Variants in TENT4B observed in about 807,000 individuals in gnomAD.
The protein encoded by TENT4B is terminal nucleotidyltransferase 4B, also known as PAP associated domain containing 5.
In TENT4B, 10 loss-of-function variants were observed where a neutral mutation model predicts 75.0. The observed-to-expected ratio is 0.13, with a 90% CI of 0.08 to 0.23. The LOEUF is 0.23. Among genes scored for constraint, TENT4B ranks in the 10% least tolerant of loss-of-function variants. TENT4B has a pLI of 1.00. For missense variants in TENT4B, 579 were observed against 893.8 expected (o/e 0.65, Z 4.49); for synonymous variants, 350 against 357.7 (o/e 0.98, Z 0.24).
intron 1 of TENT4B, among the ~76,000 whole-genome samples, chr16:50,200,788 G>A (rs2030589697): frequency 6.6e-6 from 1 of 150,712 alleles, no homozygotes; most frequent in South Asian, 2.1e-4. Flanking sequence ...CTTTATTTTT[G>A]TGTTTTTTAT....
chr16:50,186,005 TA>T lies in TENT4B; in HGVS notation c.639-25317del, dbSNP rs2038519150. On this transcript the variant is annotated intron_variant, in intron 1 of 11. Transcript: ENST00000561678. ...TTAAGTTCTGCACAAAACATTTTTA[TA>T]GATATCCAGTGTTAGCTTAACGTTT... 3.3e-5 allele frequency among the ~76,000 whole-genome samples: 5 copies of T among 152,238 alleles called. No homozygotes were observed. The South Asian group carries it at 1.0e-3, about 32-fold the overall frequency.
chr16:50,215,979 G>A (rs2031531829), intron 3 of TENT4B, 96 bp from the exon 4 acceptor site: 1 of 1,474,842 alleles, frequency 6.8e-7, no homozygotes, highest in Non-Finnish European at 9.3e-7. Context: ...TGGGAAATAG[G>A]TTTTAATTGT....
chr16:50,202,521 A>G (rs1172787742), intron 1 of TENT4B, among the ~76,000 whole-genome samples: 2 of 152,142 alleles, frequency 1.3e-5, no homozygotes, highest in Non-Finnish European at 2.9e-5. Context: ...TTCTTCACTC[A>G]GATATTTGAG....
intron 1 of TENT4B, among the ~76,000 whole-genome samples, chr16:50,210,671 CAG>C (rs202159630): frequency 0.012 from 1,821 of 152,296 alleles, 20 homozygotes; most frequent in Non-Finnish European, 0.017. Flanking sequence ...TCTGTTGCCA[CAG>C]GGGGAAAGCT....
At position 50,227,912 on chromosome 16, in the gene TENT4B, C is replaced by T. The variant is rs371120727; in HGVS notation, c.1874C>T (p.Ser625Leu). 3.8e-5 allele frequency: 62 copies of T among 1,613,972 alleles called. No individual in the cohort carries two copies. Among genetic ancestry groups the T allele is most frequent in the Middle Eastern group, 3.3e-4 (2 of 6,062 alleles). Reference sequence around the variant, plus strand: ...CCGTCCACTGGGAACCGAGTAGGGTCGCAAGATGTATCCTTGGAGTCCTCT... The same window carrying T: ...CCGTCCACTGGGAACCGAGTAGGGTTGCAAGATGTATCCTTGGAGTCCTCT... ...CRPSTGNRVG[S>L]QDVSLESSQA... Residue 625 changes from serine to leucine, a missense_variant, in exon 11 of 12, where the codon TCG (serine) becomes TTG (leucine). By Grantham distance (145) the Ser-to-Leu change is moderately radical. Transcript: ENST00000561678.
rs1448483651 is a variant in TENT4B, at chr16:50,232,228, CTTTG to C, written c.*2905_*2908del. 8 of 985,176 alleles carry C rather than the reference CTTTG, an allele frequency of 8.1e-6. No homozygotes were observed. The highest frequency in any genetic ancestry group is 5.2e-4 in the Middle Eastern group (1 of 1,934). The allele number at this position is 985,176 out of a possible 1,614,324, so 61.0% of individuals were successfully genotyped here. A position where few individuals can be genotyped will look rare whatever the true frequency, so the allele number is the denominator to read the frequency against. ...TGTGAAGGTGCCTGGTTTTGAATGT[CTTTG>C]TTTGGTTTGGAGATGTCGCACTCAG... On this transcript the variant is annotated 3_prime_UTR_variant, in exon 12 of 12. Coordinates refer to ENST00000561678, the MANE Select transcript of TENT4B (RefSeq NM_001365324.3).
At chr16:50,161,231 C>A (rs1434412080) in intron 1 of TENT4B, among the ~76,000 whole-genome samples, 1 of 152,146 alleles carries the variant, frequency 6.6e-6, no homozygotes, top group East Asian at 1.9e-4. Context: ...TTAGACTTTC[C>A]TTAATTTGGA....
intron 1 of TENT4B, among the ~76,000 whole-genome samples, chr16:50,210,097 T>C (rs1002904755): frequency 6.6e-6 from 1 of 152,148 alleles, no homozygotes; most frequent in Non-Finnish European, 1.5e-5. Flanking sequence ...TTGCACCTGT[T>C]GCTCCGAGCC....
rs34092547 is a variant in TENT4B at position 50,180,708 on chromosome 16, CA to C, written c.638+26466del. Among the ~76,000 whole-genome samples the C allele has an allele frequency of 2.1e-3, 266 of 126,746 alleles. 3 individuals carry two copies. Among genetic ancestry groups the C allele is most frequent in the African/African-American group, 5.7e-3 (176 of 31,080 alleles). 83.2% of individuals were successfully genotyped at this position (126,746 alleles called of 152,430 possible). A position where few individuals can be genotyped will look rare whatever the true frequency, so the allele number is the denominator to read the frequency against. On this transcript the variant is annotated intron_variant, in intron 1 of 11. Transcript: ENST00000561678. ...TGGGTGACAGAGCGAGACTCCATCT[CA>C]AAAAAAAAAAAAAAAATCGTATGCA...
intron 1 of TENT4B, among the ~76,000 whole-genome samples, chr16:50,192,025 T>G (rs1390353536): frequency 6.6e-6 from 1 of 152,076 alleles, no homozygotes; most frequent in Non-Finnish European, 1.5e-5. Context: ...GGCAGATCAC[T>G]GGGGTCAGGA....
At chr16:50,225,572 A>G (rs4785393) in intron 10 of TENT4B, among the ~76,000 whole-genome samples, 29,680 of 152,162 alleles carry the variant, frequency 0.2, 3,046 homozygotes, top group East Asian at 0.25. Context: ...CTATCCATTA[A>G]TTCATCTTAT....
chr16:50,229,285 G>A lies in TENT4B; in HGVS notation c.2099G>A (p.Arg700Lys). 6.2e-7 allele frequency: 1 copy of A among 1,613,850 alleles called. No homozygotes were observed. Among genetic ancestry groups the A allele is most frequent in the Non-Finnish European group, 8.5e-7 (1 of 1,179,834 alleles). ...AATCAGTATTACCATGGCAAAAAGA[G>A]GAAACACAAGAGGGACGCGCCCCTC... ...SNNQYYHGKK[R>K]KHKRDAPLSD... The change falls in exon 12 of 12, where the codon AGG becomes AAG. Residue 700 changes from arginine to lysine, a missense_variant. Arg to Lys is a conservative substitution (Grantham distance 26). This residue lies in a region of TENT4B where 164 missense variants were observed against 226.5 expected (regional missense o/e 0.72). Transcript: ENST00000561678.
At chr16:50,156,447 C>A (rs746577231) in intron 1 of TENT4B, among the ~76,000 whole-genome samples, 1 of 151,582 alleles carries the variant, frequency 6.6e-6, no homozygotes, top group African/African-American at 2.4e-5. Context: ...CAGGTTCAAG[C>A]GATTCTGCTG....
chr16:50,200,078 A>G (rs1164424618), intron 1 of TENT4B, among the ~76,000 whole-genome samples: 1 of 152,172 alleles, frequency 6.6e-6, no homozygotes, highest in African/African-American at 2.4e-5. Flanking sequence ...TTGCTAAGGA[A>G]CTGCCAGCTG....
At chr16:50,159,596 C>T (rs1427250982) in intron 1 of TENT4B, among the ~76,000 whole-genome samples, 1 of 152,062 alleles carries the variant, frequency 6.6e-6, no homozygotes, top group Non-Finnish European at 1.5e-5. Context: ...CTGCTGGGCT[C>T]CAAAGCAATC....
Position 50,232,682 on chromosome 16 carries a change from T to C in TENT4B, c.*3354T>C. On this transcript the variant is annotated 3_prime_UTR_variant, in exon 12 of 12. Coordinates refer to ENST00000561678, the MANE Select transcript of TENT4B (RefSeq NM_001365324.3). Reference sequence around the variant, plus strand: ...GTGACATGTTCATTGCAAAGCCCTCTCCAGTGACTAGGAGGTGTAGTTATT... The same window carrying C: ...GTGACATGTTCATTGCAAAGCCCTCCCCAGTGACTAGGAGGTGTAGTTATT... The C allele has an allele frequency of 2.0e-6, 2 of 985,324 alleles. No homozygotes were observed. The highest frequency in any genetic ancestry group is 2.4e-6 in the Non-Finnish European group (2 of 829,918). 61.0% of individuals were successfully genotyped at this position (985,324 alleles called of 1,614,324 possible).
intron 1 of TENT4B, among the ~76,000 whole-genome samples, chr16:50,180,835 G>C (rs2038401188): frequency 6.6e-6 from 1 of 152,144 alleles, no homozygotes; most frequent in Non-Finnish European, 1.5e-5. Flanking sequence ...GGGGTCTAAG[G>C]GACCCCATTG....
intron 1 of TENT4B, among the ~76,000 whole-genome samples, chr16:50,196,284 G>A (rs1004215811): frequency 3.3e-5 from 5 of 152,112 alleles, no homozygotes; most frequent in Non-Finnish European, 7.4e-5. Context: ...GGCAGTATTA[G>A]ATGTATTGTT....
intron 1 of TENT4B, among the ~76,000 whole-genome samples, chr16:50,191,635 A>G (rs1409453787): frequency 6.6e-6 from 1 of 152,182 alleles, no homozygotes; most frequent in East Asian, 1.9e-4. Flanking sequence ...AATATCATTA[A>G]TAGGCCAGGC....
Sources: allele counts gnomAD v4.1 joint callset (sites outside exome capture counted in the v4.1 genomes callset), GRCh38; gene constraint gnomAD v4.1.1; regional missense constraint gnomAD v4.1.1; transcripts MANE v1.5; gene names NCBI Gene and HGNC (gene_info 2026-07-23, HGNC 2026-07-21).